Variants in NUMA1 observed in about 807,000 individuals in gnomAD.
The protein encoded by NUMA1 is nuclear mitotic apparatus protein 1.
In NUMA1, 62 loss-of-function variants were observed where a neutral mutation model predicts 237.1. That is an observed-to-expected ratio of 0.26 (90% CI 0.21 to 0.32). The LOEUF (loss-of-function observed/expected upper bound fraction) is 0.32, where lower values mean the gene tolerates loss of function less well. Among genes scored for constraint, NUMA1 ranks in the 10% least tolerant of loss-of-function variants. The probability of loss-of-function intolerance (pLI) is 1.00; values close to 1 mark genes in which losing one functional copy is unlikely to be tolerated. For missense variants in NUMA1, 2,533 were observed against 2,666.5 expected (o/e 0.95, Z 1.10); for synonymous variants, 1,028 against 1,066.1 (o/e 0.96, Z 0.70).
Position 72,043,380 on chromosome 11 carries a change from T to A in NUMA1, c.-32-7405A>T, listed in dbSNP as rs866963562. On this transcript the variant is annotated intron_variant, in intron 2 of 26. Transcript: ENST00000393695. ...TTCTTTTTTTTTTTTTTTTTTTTTT[T>A]AAAGCAGGGTCTCACTCTGTCACCC... Among the ~76,000 whole-genome samples the A allele has an allele frequency of 4.2e-5, 3 of 71,370 alleles. No individual in the cohort carries two copies. The South Asian group carries it at 1.3e-3, about 31-fold the overall frequency. The allele number at this position is 71,370 out of a possible 152,430, so 46.8% of individuals were successfully genotyped here.
chr11:72,035,550 G>A lies in NUMA1; in HGVS notation c.42+352C>T, dbSNP rs546092388. ...AGCCTCCCGAGTGACTGGGATTACA[G>A]GTGCCCGCCACCACAGCCAGCTAAT... On this transcript the variant is annotated intron_variant, in intron 3 of 26. Coordinates refer to ENST00000393695, the MANE Select transcript of NUMA1 (RefSeq NM_006185.4). Among the ~76,000 whole-genome samples, 25 of 152,074 alleles carry A rather than the reference G, an allele frequency of 1.6e-4. No individual in the cohort carries two copies. In the South Asian group the frequency reaches 5.2e-3, roughly 32 times the overall value.
Position 72,014,611 on chromosome 11 carries a change from C to A in NUMA1, c.2892G>T (p.Gln964His). ...CCCGCTCCATAGCCTGCAGCGCTGC[C>A]TGTGTGCTGCAGAACTGGCGTCCCT... ...EQQGRQFCST[Q>H]AALQAMEREA... The change falls in exon 15 of 27, where the codon CAG becomes CAT. Residue 964 changes from glutamine to histidine, a missense_variant. By Grantham distance (24) the Gln-to-His change is conservative (BLOSUM62 0). Transcript: ENST00000393695. This position sits in a 1 kb window ranked among gnomAD's most constrained non-coding sequence, Gnocchi z 4.6. The A allele has an allele frequency of 6.2e-7, 1 of 1,608,322 alleles. No individual in the cohort carries two copies. The highest frequency in any genetic ancestry group is 8.5e-7 in the Non-Finnish European group (1 of 1,180,006).
intron 20 of NUMA1, 109 bp downstream of exon 20, chr11:72,008,579 C>A: frequency 7.7e-7 from 1 of 1,296,454 alleles, no homozygotes; most frequent in Non-Finnish European, 1.1e-6. Context: ...TTTCGTTATT[C>A]TTCTCTAAGA....
chr11:72,035,533 G>A (rs981607174), intron 3 of NUMA1, among the ~76,000 whole-genome samples: 24 of 151,428 alleles, frequency 1.6e-4, no homozygotes, highest in African/African-American at 5.1e-4. Flanking sequence ...TCAGCCTCCC[G>A]AGTGACTGGG....
chr11:72,013,643 C>T lies in NUMA1; in HGVS notation c.3860G>A (p.Ser1287Asn). ...ASNSARAAER[S>N]SALREEVQSL... is the part of the protein sequence containing the mutation. ...CTGCACCTCCTCCCGCAGAGCAGAG[C>T]TGCGTTCTGCAGCTCTGGCACTGTT... Residue 1287 changes from serine to asparagine, a missense_variant, in exon 15 of 27, where the codon AGC (serine) becomes AAC (asparagine). Physicochemically the swap from Ser to Asn is conservative, Grantham distance 46. Coordinates refer to ENST00000393695, the MANE Select transcript of NUMA1 (RefSeq NM_006185.4). The surrounding 1 kb of genome is among the most constrained non-coding windows in gnomAD (Gnocchi z 6.8). The T allele has an allele frequency of 6.2e-7, 1 of 1,609,890 alleles. No individual in the cohort carries two copies. Among genetic ancestry groups the T allele is most frequent in the Non-Finnish European group, 8.5e-7 (1 of 1,179,956 alleles).
At chr11:72,045,429 A>T (rs1171858300) in intron 2 of NUMA1, among the ~76,000 whole-genome samples, 1 of 152,246 alleles carries the variant, frequency 6.6e-6, no homozygotes. Flanking sequence ...CAAAGCAGAT[A>T]CCAAAACTTT....
chr11:72,053,862 A>G (rs75349237), intron 2 of NUMA1, among the ~76,000 whole-genome samples: 2,497 of 152,196 alleles, frequency 0.016, 73 homozygotes, highest in African/African-American at 0.058. Context: ...TTTTCTTGTC[A>G]TTATTCTAAA....
At position 72,014,772 on chromosome 11, in the gene NUMA1, C is replaced by T. The variant is rs201829820; in HGVS notation, c.2731G>A (p.Ala911Thr). 9 of 1,614,184 alleles carry T rather than the reference C, an allele frequency of 5.6e-6. No individual in the cohort carries two copies. Among genetic ancestry groups the T allele is most frequent in the Non-Finnish European group, 7.6e-6 (9 of 1,180,044 alleles). Reference sequence around the variant, plus strand: ...AAGCGGGCCACCTCTTTGCTGGTGGCAGCCATCTTTTCCTGCAGAGTGGAG... The same window carrying T: ...AAGCGGGCCACCTCTTTGCTGGTGGTAGCCATCTTTTCCTGCAGAGTGGAG... ...DLSTLQEKMA[A>T]TSKEVARLET... Residue 911 changes from alanine (A) to threonine (T), a missense_variant, in exon 15 of 27, where the codon GCC becomes ACC. Ala to Thr is a moderately conservative substitution (Grantham distance 58, BLOSUM62 0). Around this residue, in one of 3 missense-constraint regions of NUMA1, gnomAD observed 1,414 missense variants for 1,508.1 expected, o/e 0.94. Transcript: ENST00000393695. The surrounding 1 kb of genome is among the most constrained non-coding windows in gnomAD (Gnocchi z 4.6).
At position 72,015,157 on chromosome 11, in the gene NUMA1, A is replaced by G; in HGVS notation, c.2346T>C (p.Thr782=). 6.2e-7 allele frequency: 1 copy of G among 1,613,494 alleles called. No individual in the cohort carries two copies. The change falls in exon 15 of 27, where the codon ACT becomes ACC. Residue 782 remains threonine, a synonymous_variant. Transcript: ENST00000393695. This position sits in a 1 kb window ranked among gnomAD's most constrained non-coding sequence, Gnocchi z 4.0. ...CTGCCAGCTCCCGCCGCAGGACTTC[A>G]GTCTCAGCCTGATGGGCCTCCCCAA... ...QQLGEAHQAE[T]EVLRRELAEA...
At chr11:72,043,762 T>C (rs922599419) in intron 2 of NUMA1, among the ~76,000 whole-genome samples, 2 of 152,064 alleles carry the variant, frequency 1.3e-5, no homozygotes, top group African/African-American at 4.8e-5. Context: ...GTTTTACATA[T>C]AAGATAACCA....
At chr11:72,037,452 G>A (rs1240479874) in intron 2 of NUMA1, among the ~76,000 whole-genome samples, 1 of 152,082 alleles carries the variant, frequency 6.6e-6, no homozygotes, top group Non-Finnish European at 1.5e-5. Context: ...CTTGCAGTGA[G>A]CCGAGATCGC....
chr11:72,058,510 G>C (rs1003483182), intron 2 of NUMA1, among the ~76,000 whole-genome samples: 1 of 152,144 alleles, frequency 6.6e-6, no homozygotes, highest in Non-Finnish European at 1.5e-5. Flanking sequence ...TGAGGGAATG[G>C]CTATTTTCAG....
chr11:72,035,090 C>G (rs1318651842), intron 3 of NUMA1, among the ~76,000 whole-genome samples: 1 of 151,886 alleles, frequency 6.6e-6, no homozygotes, highest in Non-Finnish European at 1.5e-5. Flanking sequence ...CTCTTGGGCT[C>G]AAGCAATCCT....
At chr11:72,017,957 C>T in intron 12 of NUMA1, 130 bp from the exon 13 acceptor site, 3 of 1,122,988 alleles carry the variant, frequency 2.7e-6, no homozygotes, top group Non-Finnish European at 3.8e-6. Context: ...CCAATCACAG[C>T]CATCACACCT....
rs779837381 is a variant in NUMA1 at position 72,014,378 on chromosome 11, C to A, written c.3125G>T (p.Arg1042Leu). 6 of 1,612,722 alleles carry A rather than the reference C, an allele frequency of 3.7e-6. No individual in the cohort carries two copies. Among genetic ancestry groups the A allele is most frequent in the Admixed American group, 1.7e-5 (1 of 60,012 alleles). The change falls in exon 15 of 27, where the codon CGT (arginine) becomes CTT (leucine). Residue 1042 changes from arginine to leucine, a missense_variant. Arg to Leu is a moderately radical substitution (Grantham distance 102). Transcript: ENST00000393695. The surrounding 1 kb of genome is among the most constrained non-coding windows in gnomAD (Gnocchi z 4.6). ...MRLQNALNEQRVEFATLQEAL... is the reference protein window; with the variant it reads ...MRLQNALNEQLVEFATLQEAL... ...CTCTTGCAGGGTAGCGAACTCCACACGCTGCTCGTTGAGGGCGTTCTGCAG... is the reference window on the plus strand; with the variant it reads ...CTCTTGCAGGGTAGCGAACTCCACAAGCTGCTCGTTGAGGGCGTTCTGCAG...
intron 17 of NUMA1, among the ~76,000 whole-genome samples, chr11:72,010,083 T>C (rs1269436599): frequency 1.3e-5 from 2 of 151,966 alleles, no homozygotes; most frequent in East Asian, 3.9e-4. Flanking sequence ...CCACAAGGAG[T>C]AGAATAAACA....
At chr11:72,034,034 G>A (rs577667360) in intron 3 of NUMA1, among the ~76,000 whole-genome samples, 3 of 152,104 alleles carry the variant, frequency 2.0e-5, no homozygotes, top group African/African-American at 7.2e-5. Context: ...AGGATGGCTT[G>A]AGCCCCAAAG....
chr11:72,018,710 G>A, intron 10 of NUMA1, 113 bp downstream of exon 10: 1 of 1,339,180 alleles, frequency 7.5e-7, no homozygotes, highest in South Asian at 1.3e-5. Flanking sequence ...CTGACCACAG[G>A]CCCAGGGCTG....
rs145185561 is a variant in NUMA1 at position 72,016,073 on chromosome 11, T to C, written c.1430A>G (p.Asn477Ser). The C allele has an allele frequency of 3.7e-3, 5,991 of 1,614,036 alleles. 30 individuals carry two copies. The highest frequency in any genetic ancestry group is 4.4e-3 in the Non-Finnish European group (5,191 of 1,180,014). ...CAGCTCTTCCTTGGCCTGGCTGAGG[T>C]TGGAGATGGAGCTCTGCAGGTCAGT... ...LITDLQSSIS[N>S]LSQAKEELEQ... Residue 477 changes from asparagine to serine, a missense_variant, in exon 15 of 27, where the codon AAC becomes AGC. This residue lies in a region of NUMA1 where 1,414 missense variants were observed against 1,508.1 expected (regional missense o/e 0.94). Coordinates refer to ENST00000393695, the MANE Select transcript of NUMA1 (RefSeq NM_006185.4).
Sources: gnomAD v4.1 joint callset for allele counts (sites outside exome capture counted in the v4.1 genomes callset) on GRCh38, gnomAD v4.1.1 for gene constraint, gnomAD v4.1.1 regional missense constraint, Gnocchi (gnomAD v3.1) non-coding constraint, MANE v1.5 for transcripts, NCBI Gene and HGNC (gene_info 2026-07-23, HGNC 2026-07-21) for gene names.